ANO3: variants seen among roughly 807,000 people sequenced by gnomAD.
ANO3 encodes the protein anoctamin-3.
Under a neutral mutation model 144.8 loss-of-function variants are expected in ANO3, and 99 were observed. The ratio of observed to expected loss-of-function variants is 0.68; its 90% CI spans 0.58 to 0.81. The LOEUF (loss-of-function observed/expected upper bound fraction) is 0.81. ANO3 is among the 30% of genes least tolerant of loss of function. ANO3 has a pLI of 0.00. For missense variants in ANO3, 905 were observed against 1,202.2 expected (o/e 0.75, Z 3.66); for synonymous variants, 414 against 392.6 (o/e 1.05, Z -0.64).
chr11:26,500,852 AG>A (rs1349420304), intron 4 of ANO3, among the ~76,000 whole-genome samples: 2 of 151,924 alleles, frequency 1.3e-5, no homozygotes, highest in African/African-American at 4.8e-5. Flanking sequence ...CTGTAACAAG[AG>A]CTATTAGGAG....
intron 24 of ANO3, among the ~76,000 whole-genome samples, chr11:26,650,452 C>T (rs1228846417): frequency 2.4e-5 from 2 of 85,058 alleles, no homozygotes; most frequent in Non-Finnish European, 3.3e-5. Flanking sequence ...TCCATGAAGT[C>T]GATGCGATTT....
intron 17 of ANO3, among the ~76,000 whole-genome samples, chr11:26,615,943 T>G (rs1488499098): frequency 2.0e-5 from 3 of 152,214 alleles, no homozygotes; most frequent in Non-Finnish European, 4.4e-5. Context: ...AAGCCATCTT[T>G]GGAGAGAAAG....
rs113309024 is a variant in ANO3, at chr11:26,569,542, A to G, written c.1447+9763A>G. Among the ~76,000 whole-genome samples, 809 of 152,146 alleles carry G rather than the reference A, an allele frequency of 5.3e-3. 6 individuals carry two copies. Among genetic ancestry groups the G allele is most frequent in the Middle Eastern group, 0.037 (11 of 294 alleles). ...GAAGTCATCCGTTATTCAGAACCCC[A>G]CCATGAAATTTTGCTGGAGTAAGGT... On this transcript the variant is annotated intron_variant, in intron 14 of 26. Transcript: ENST00000256737.
At chr11:26,400,423 C>A (rs1013383501) in intron 1 of ANO3, among the ~76,000 whole-genome samples, 1 of 151,834 alleles carries the variant, frequency 6.6e-6, no homozygotes, top group Non-Finnish European at 1.5e-5. Flanking sequence ...TTTTTTATTG[C>A]AAATATAATA....
At chr11:26,354,473 A>G (rs567735033) in intron 1 of ANO3, among the ~76,000 whole-genome samples, 1 of 152,332 alleles carries the variant, frequency 6.6e-6, no homozygotes, top group East Asian at 1.9e-4. Flanking sequence ...TCATACCTCA[A>G]TAAAGCCATC....
intron 10 of ANO3, among the ~76,000 whole-genome samples, chr11:26,540,040 G>T (rs900341959): frequency 6.6e-6 from 1 of 151,948 alleles, no homozygotes; most frequent in Non-Finnish European, 1.5e-5. Context: ...CCTCTTTTTA[G>T]ATAATAAAAG....
At chr11:26,368,592 A>G (rs1467128271) in intron 1 of ANO3, among the ~76,000 whole-genome samples, 9 of 152,066 alleles carry the variant, frequency 5.9e-5, no homozygotes, top group Non-Finnish European at 1.0e-4. Context: ...AGAAGAAGGG[A>G]TAGAGAGAGA....
chr11:26,226,322 GA>G lies in ANO3; in HGVS notation c.154+37002del, dbSNP rs527553260. ...TTTATAGATACCTACACTAAATTCT[GA>G]AAAAAAAAATAAACTATTACATTAT... is the stretch of plus-strand genomic sequence containing the variant. On this transcript the variant is annotated intron_variant, in intron 1 of 27. Transcript: ENST00000672621. 9.9e-3 allele frequency among the ~76,000 whole-genome samples: 1,452 copies of G among 146,442 alleles called. 21 individuals are homozygous for G. The highest frequency in any genetic ancestry group is 0.033 in the African/African-American group (1,308 of 39,984).
intron 1 of ANO3, among the ~76,000 whole-genome samples, chr11:26,394,732 C>T (rs1020758694): frequency 6.6e-6 from 1 of 152,050 alleles, no homozygotes; most frequent in Non-Finnish European, 1.5e-5. Context: ...CACACACCAC[C>T]ATGCCCAGCT....
At chr11:26,213,512 T>C (rs1851976901) in intron 1 of ANO3, among the ~76,000 whole-genome samples, 1 of 152,182 alleles carries the variant, frequency 6.6e-6, no homozygotes, top group Non-Finnish European at 1.5e-5. Flanking sequence ...AAATCACAAG[T>C]GAACTTCCAT....
chr11:26,197,702 C>T (rs991681868), intron 1 of ANO3, among the ~76,000 whole-genome samples: 2 of 151,986 alleles, frequency 1.3e-5, no homozygotes, highest in Non-Finnish European at 2.9e-5. Flanking sequence ...GCTTTAGAAA[C>T]GTCTCTTCCA....
At chr11:26,481,753 A>C (rs1860226365) in intron 4 of ANO3, among the ~76,000 whole-genome samples, 1 of 152,194 alleles carries the variant, frequency 6.6e-6, no homozygotes, top group Admixed American at 6.5e-5. Context: ...TCTATAAACA[A>C]ATTAGGGATC....
At chr11:26,443,936 C>T (rs1479861205) in intron 3 of ANO3, 100 bp downstream of exon 3, 11 of 735,946 alleles carry the variant, frequency 1.5e-5, no homozygotes, top group Admixed American at 3.1e-5. Flanking sequence ...AGAAAAAGTT[C>T]ATGTTTGGTT....
chr11:26,300,733 T>C (rs1854208280), intron 1 of ANO3, among the ~76,000 whole-genome samples: 1 of 152,214 alleles, frequency 6.6e-6, no homozygotes, highest in African/African-American at 2.4e-5. Context: ...TCTTATATAT[T>C]CAGTAACTCA....
At chr11:26,453,712 C>G (rs192595002) in intron 3 of ANO3, among the ~76,000 whole-genome samples, 12 of 152,158 alleles carry the variant, frequency 7.9e-5, no homozygotes, top group African/African-American at 2.6e-4. Context: ...ATTGAACTCA[C>G]CTCTGCACCA....
In ANO3 at chr11:26,332,302, G is replaced by A. The variant is rs765966974; in HGVS notation, c.27G>A (p.Gln9=). The part of the protein sequence containing the change: MVHHSGSI[Q]SFKQQKGMNI... ...TGGTCCACCATTCAGGCTCCATTCA[G>A]TCCTTTAAACAGCAAAAAGGTCAGT... The change falls in exon 1 of 27, where the codon CAG becomes CAA. Residue 9 remains glutamine, a synonymous_variant. Coordinates refer to ENST00000256737, the MANE Select transcript of ANO3 (RefSeq NM_031418.4). 1.9e-6 allele frequency: 3 copies of A among 1,613,950 alleles called. No homozygotes were observed. The highest frequency in any genetic ancestry group is 2.5e-6 in the Non-Finnish European group (3 of 1,180,010).
At chr11:26,616,408 G>A (rs1335526953) in intron 17 of ANO3, among the ~76,000 whole-genome samples, 2 of 147,572 alleles carry the variant, frequency 1.4e-5, no homozygotes, top group Admixed American at 1.4e-4. Flanking sequence ...AAGTATTATT[G>A]CCTTTAAAGG....
upstream of ANO3, among the ~76,000 whole-genome samples, chr11:26,306,330 C>T (rs147153738): frequency 1.3e-5 from 2 of 151,418 alleles, no homozygotes; most frequent in Non-Finnish European, 2.9e-5. Flanking sequence ...TCAGCCTTCA[C>T]CTTTGCATAA....
chr11:26,341,430 T>C (rs1262238719), intron 1 of ANO3, among the ~76,000 whole-genome samples: 1 of 152,212 alleles, frequency 6.6e-6, no homozygotes, highest in Non-Finnish European at 1.5e-5. Flanking sequence ...GGTAATTAAT[T>C]TCAGTTTCTT....
Sources: gnomAD v4.1 joint callset for allele counts (sites outside exome capture counted in the v4.1 genomes callset) on GRCh38, gnomAD v4.1.1 for gene constraint, MANE v1.5 for transcripts, NCBI Gene and HGNC (gene_info 2026-07-23, HGNC 2026-07-21) for gene names.